NELL2: variants seen among roughly 807,000 people sequenced by gnomAD.
NELL2 encodes the protein neural EGFL like 2, also known as protein kinase C-binding protein NELL2.
NELL2 carries 41 observed loss-of-function variants against 109.6 expected under a neutral mutation model. The ratio of observed to expected loss-of-function variants is 0.37; its 90% CI spans 0.29 to 0.49. The LOEUF is 0.49. NELL2 is among the 20% of genes least tolerant of loss of function. The pLI is 0.98. For synonymous variants in NELL2, 355 were observed against 344.7 expected, an observed-to-expected ratio of 1.03 and a Z score of -0.33; for missense variants, 900 against 1,008.3, an observed-to-expected ratio of 0.89 and a Z score of 1.45.
At chr12:44,876,336 C>T (rs1351383956), upstream of NELL2, 3 of 1,184,644 alleles carry the variant, frequency 2.5e-6, no homozygotes, top group Non-Finnish European at 3.1e-6. Context: ...CCGGGAGACG[C>T]GCGGAGAGAC....
intron 9 of NELL2, among the ~76,000 whole-genome samples, chr12:44,752,859 G>A (rs1209298633): frequency 1.3e-5 from 2 of 151,950 alleles, no homozygotes; most frequent in Non-Finnish European, 2.9e-5. Context: ...GTGATGCCCC[G>A]CTCACTGCCA....
intron 9 of NELL2, among the ~76,000 whole-genome samples, chr12:44,763,485 G>GCAAAAAAA (rs1555213008): frequency 6.6e-6 from 1 of 151,938 alleles, no homozygotes; most frequent in Non-Finnish European, 1.5e-5. Context: ...AATGATTTAG[G>GCAAAAAAA]CAAACAAACA....
chr12:44,773,696 T>C (rs1737387316), intron 9 of NELL2, among the ~76,000 whole-genome samples: 1 of 152,092 alleles, frequency 6.6e-6, no homozygotes, highest in South Asian at 2.1e-4. Flanking sequence ...GTAAGAAAAA[T>C]TGTATTCAAT....
intron 2 of NELL2, among the ~76,000 whole-genome samples, chr12:44,846,517 T>A (rs1370925842): frequency 6.6e-6 from 1 of 152,238 alleles, no homozygotes; most frequent in African/African-American, 2.4e-5. Flanking sequence ...ATGTCAATAA[T>A]GTTGCTACTG....
At chr12:44,879,756 T>C (rs1403938623), upstream of NELL2, among the ~76,000 whole-genome samples, 1 of 151,988 alleles carries the variant, frequency 6.6e-6, no homozygotes, top group Non-Finnish European at 1.5e-5. Flanking sequence ...TTATATCTCC[T>C]ACAAAAAGAA....
intron 15 of NELL2, among the ~76,000 whole-genome samples, chr12:44,538,980 C>T (rs1209664258): frequency 6.6e-6 from 1 of 152,042 alleles, no homozygotes; most frequent in Non-Finnish European, 1.5e-5. Flanking sequence ...ATCCTCTCAC[C>T]TGAGTTAGTT....
chr12:44,906,123 A>G (rs989733661), intron 1 of NELL2, among the ~76,000 whole-genome samples: 3 of 152,062 alleles, frequency 2.0e-5, no homozygotes, highest in Admixed American at 2.0e-4. Flanking sequence ...GAAGGAGGCA[A>G]GGAGGTGAGC....
At chr12:44,791,150 TAC>T (rs1171581926) in intron 3 of NELL2, among the ~76,000 whole-genome samples, 1,425 of 53,492 alleles carry the variant, frequency 0.027, 155 homozygotes, top group African/African-American at 0.098. Flanking sequence ...CGCACACACA[TAC>T]ACACACACAC....
chr12:44,798,745 T>C lies in NELL2; in HGVS notation c.335+17241A>G, dbSNP rs545888380. 5.3e-5 allele frequency among the ~76,000 whole-genome samples: 8 copies of C among 152,188 alleles called. No homozygotes were observed. In the South Asian group the frequency reaches 1.5e-3, roughly 28 times the overall value. Reference sequence around the variant, plus strand: ...TTTTTAAAAAGGTATAGTAATTAAATTGTGTAACAATGGCACATGAATAAA... The same window carrying C: ...TTTTTAAAAAGGTATAGTAATTAAACTGTGTAACAATGGCACATGAATAAA... On this transcript the variant is annotated intron_variant, in intron 3 of 19. Transcript: ENST00000429094.
chr12:44,876,454 T>C (rs1275730592), upstream of NELL2: 2 of 1,298,140 alleles, frequency 1.5e-6, no homozygotes, highest in African/African-American at 1.5e-5. Flanking sequence ...CACGGTCTCC[T>C]GGATGCCAAA....
At chr12:44,837,874 T>A (rs1435565989) in intron 2 of NELL2, among the ~76,000 whole-genome samples, 1 of 152,192 alleles carries the variant, frequency 6.6e-6, no homozygotes, top group African/African-American at 2.4e-5. Context: ...TCAATTCTGA[T>A]TTTTATGTGG....
At chr12:44,791,183 CATATATATATATATATATATAT>C (rs748283455) in intron 3 of NELL2, among the ~76,000 whole-genome samples, 5 of 15,092 alleles carry the variant, frequency 3.3e-4, no homozygotes, top group African/African-American at 1.2e-3. Flanking sequence ...AGTATTCCAT[CATATATATATATATATATATAT>C]ATATATATAT....
At chr12:44,735,180 G>GTA (rs1167436975) in intron 9 of NELL2, among the ~76,000 whole-genome samples, 1 of 152,048 alleles carries the variant, frequency 6.6e-6, no homozygotes, top group Non-Finnish European at 1.5e-5. Context: ...GAGCACACTT[G>GTA]TATTATATTA....
intron 15 of NELL2, among the ~76,000 whole-genome samples, chr12:44,535,506 T>A (rs1240397856): frequency 6.6e-6 from 1 of 152,034 alleles, no homozygotes; most frequent in African/African-American, 2.4e-5. Flanking sequence ...TAGTTTATCA[T>A]CTATTTAAAT....
intron 15 of NELL2, among the ~76,000 whole-genome samples, chr12:44,601,808 A>C (rs1945232627): frequency 6.6e-6 from 1 of 152,110 alleles, no homozygotes; most frequent in Non-Finnish European, 1.5e-5. Context: ...TTCTACATGC[A>C]CAAATTAAGG....
chr12:44,524,930 T>A (rs1055362979), intron 16 of NELL2, among the ~76,000 whole-genome samples: 3 of 152,196 alleles, frequency 2.0e-5, no homozygotes, highest in Admixed American at 6.5e-5. Context: ...AAAAATTAAA[T>A]TTTATTAGCT....
intron 1 of NELL2, among the ~76,000 whole-genome samples, chr12:44,891,489 G>A (rs1334267661): frequency 6.6e-6 from 1 of 152,170 alleles, no homozygotes; most frequent in Non-Finnish European, 1.5e-5. Context: ...ACCCAATGGG[G>A]CCATGTTCCT....
chr12:44,664,814 T>C (rs1249222599), intron 13 of NELL2, among the ~76,000 whole-genome samples: 1 of 151,492 alleles, frequency 6.6e-6, no homozygotes, highest in Non-Finnish European at 1.5e-5. Flanking sequence ...GTATTCAAGC[T>C]ACTCTTCTAG....
chr12:44,684,876 G>T (rs1482890623), intron 12 of NELL2, among the ~76,000 whole-genome samples: 4 of 152,094 alleles, frequency 2.6e-5, no homozygotes, highest in Admixed American at 2.0e-4. Context: ...GTGTGGTGCT[G>T]AAAAAAATGT....
Sources: gnomAD v4.1 joint callset for allele counts (sites outside exome capture counted in the v4.1 genomes callset) on GRCh38, gnomAD v4.1.1 for gene constraint, MANE v1.5 for transcripts, NCBI Gene and HGNC (gene_info 2026-07-23, HGNC 2026-07-21) for gene names.